The following IQCM variants were observed in gnomAD, a reference collection of about 807,000 sequenced individuals.
IQCM encodes IQ motif containing M.
In IQCM, 45 loss-of-function variants were observed where a neutral mutation model predicts 57.6. The observed-to-expected ratio is 0.78, with a 90% CI of 0.62 to 1.00. The LOEUF (loss-of-function observed/expected upper bound fraction) is 1.00. IQCM is among the 50% of genes least tolerant of loss of function. The pLI, the probability that IQCM is intolerant of heterozygous loss-of-function variation, is 0.00. For missense variants in IQCM, 468 were observed against 511.6 expected (o/e 0.91, Z 0.82); for synonymous variants, 148 against 158.9 (o/e 0.93, Z 0.51).
chr4:149,632,149 G>A (rs922004007), intron 7 of IQCM, among the ~76,000 whole-genome samples: 5 of 152,210 alleles, frequency 3.3e-5, no homozygotes, highest in African/African-American at 1.2e-4. Flanking sequence ...GAGAATGACT[G>A]GGGTCAGGGG....
chr4:149,785,797 C>A (rs1287397816), intron 2 of IQCM, among the ~76,000 whole-genome samples: 1 of 149,650 alleles, frequency 6.7e-6, no homozygotes, highest in Non-Finnish European at 1.5e-5. Context: ...TTCTTTGTTT[C>A]TTTTACAACC....
intron 13 of IQCM, among the ~76,000 whole-genome samples, chr4:149,431,578 TAATC>T (rs1355527964): frequency 6.6e-6 from 1 of 152,044 alleles, no homozygotes; most frequent in Non-Finnish European, 1.5e-5. Flanking sequence ...ATCGCTATCA[TAATC>T]AAGATACAGA....
intron 9 of IQCM, among the ~76,000 whole-genome samples, chr4:149,578,419 G>A (rs558339872): frequency 2.0e-5 from 3 of 151,840 alleles, no homozygotes; most frequent in East Asian, 2.0e-4. Flanking sequence ...TGCCAAAGGC[G>A]TGATGAGGGC....
chr4:149,552,289 TAC>T (rs1452803452), intron 11 of IQCM, among the ~76,000 whole-genome samples: 1 of 152,186 alleles, frequency 6.6e-6, no homozygotes, highest in Non-Finnish European at 1.5e-5. Flanking sequence ...TCATGGACCT[TAC>T]AGTCTTAAAT....
At chr4:149,491,310 T>C (rs1742069095) in intron 12 of IQCM, among the ~76,000 whole-genome samples, 2 of 152,216 alleles carry the variant, frequency 1.3e-5, no homozygotes, top group African/African-American at 4.8e-5. Context: ...AAAATTATTC[T>C]CTTAGCAATT....
intron 13 of IQCM, among the ~76,000 whole-genome samples, chr4:149,373,862 T>C (rs987450065): frequency 1.3e-5 from 2 of 152,092 alleles, no homozygotes; most frequent in Admixed American, 1.3e-4. Flanking sequence ...ATGTTAATTA[T>C]TTTCCACCAA....
rs1003751357 is a variant in IQCM at position 149,682,240 on chromosome 4, A to G, written c.477-34T>C. The G allele has an allele frequency of 4.4e-6, 4 of 906,266 alleles. No homozygotes were observed. The Admixed American group carries it at 1.7e-4, about 39-fold the overall frequency. The allele number at this position is 906,266 out of a possible 1,614,324, so 56.1% of individuals were successfully genotyped here. On this transcript the variant is annotated intron_variant, in intron 6 of 13. Coordinates refer to ENST00000636793, the MANE Select transcript of IQCM (RefSeq NM_001363507.2). ...TTAAGTTGGATCTTTAAGTAATTTG[A>G]TAGTCCCTATTTTGTAATACAAATC... is the stretch of plus-strand genomic sequence containing the variant.
At chr4:149,658,395 G>C (rs1182560469) in intron 7 of IQCM, among the ~76,000 whole-genome samples, 3 of 151,686 alleles carry the variant, frequency 2.0e-5, no homozygotes, top group African/African-American at 4.8e-5. Context: ...ATGCTGTTTT[G>C]GTTACTAAAG....
At chr4:149,422,139 C>T (rs1054198877) in intron 13 of IQCM, among the ~76,000 whole-genome samples, 2 of 151,932 alleles carry the variant, frequency 1.3e-5, no homozygotes, top group African/African-American at 4.8e-5. Flanking sequence ...TAATTTTCAG[C>T]TTCAGCAACA....
chr4:149,425,376 A>G (rs1734393956), intron 13 of IQCM, among the ~76,000 whole-genome samples: 1 of 151,946 alleles, frequency 6.6e-6, no homozygotes, highest in South Asian at 2.1e-4. Context: ...GTCCCAGAGA[A>G]GCTAATGGTC....
intron 7 of IQCM, among the ~76,000 whole-genome samples, chr4:149,631,630 C>T (rs1392090115): frequency 6.6e-6 from 1 of 152,106 alleles, no homozygotes; most frequent in African/African-American, 2.4e-5. Flanking sequence ...AAAGACTTCA[C>T]AAAATTGTGC....
chr4:149,508,143 A>T (rs960444921), intron 12 of IQCM, among the ~76,000 whole-genome samples: 11 of 152,038 alleles, frequency 7.2e-5, no homozygotes, highest in African/African-American at 2.7e-4. Flanking sequence ...CCCAGGTAGA[A>T]GTTTGCTGCA....
intron 12 of IQCM, among the ~76,000 whole-genome samples, chr4:149,465,700 G>A (rs1166318555): frequency 6.6e-6 from 1 of 151,342 alleles, no homozygotes. Context: ...CAGAAAATTG[G>A]TTGTAAATAA....
intron 12 of IQCM, among the ~76,000 whole-genome samples, chr4:149,451,387 C>G (rs1192720150): frequency 6.6e-6 from 1 of 151,716 alleles, no homozygotes; most frequent in African/African-American, 2.4e-5. Flanking sequence ...GATGGATACA[C>G]CATTTTGTAT....
At chr4:149,368,899 TAC>T (rs1388799871) in intron 13 of IQCM, among the ~76,000 whole-genome samples, 1 of 93,540 alleles carries the variant, frequency 1.1e-5, no homozygotes, top group African/African-American at 4.1e-5. Flanking sequence ...TGTATATATA[TAC>T]ACGTGTATAT....
At chr4:149,634,726 G>A (rs1376176424) in intron 7 of IQCM, among the ~76,000 whole-genome samples, 1 of 152,134 alleles carries the variant, frequency 6.6e-6, no homozygotes, top group Non-Finnish European at 1.5e-5. Flanking sequence ...CAAATATAAT[G>A]AAACACGGAC....
intron 5 of IQCM, among the ~76,000 whole-genome samples, chr4:149,724,913 CTAA>C (rs1291259987): frequency 3.3e-5 from 5 of 151,732 alleles, no homozygotes; most frequent in African/African-American, 1.2e-4. Context: ...TTTTAGTAAT[CTAA>C]TAATTTAAAA....
intron 2 of IQCM, among the ~76,000 whole-genome samples, chr4:149,757,812 G>A (rs1374077079): frequency 6.6e-6 from 1 of 151,792 alleles, no homozygotes; most frequent in Non-Finnish European, 1.5e-5. Context: ...CACACGTGGG[G>A]CATTTACAAA....
At chr4:149,381,832 T>C (rs2111036671) in intron 13 of IQCM, among the ~76,000 whole-genome samples, 1 of 152,186 alleles carries the variant, frequency 6.6e-6, no homozygotes, top group Non-Finnish European at 1.5e-5. Flanking sequence ...TGGAGGGCAA[T>C]AGCACAGTCT....
Sources: gnomAD v4.1 joint callset for allele counts (sites outside exome capture counted in the v4.1 genomes callset) on GRCh38, gnomAD v4.1.1 for gene constraint, MANE v1.5 for transcripts, NCBI Gene and HGNC (gene_info 2026-07-23, HGNC 2026-07-21) for gene names.